Variants in PRELID2 observed in about 807,000 individuals in gnomAD.
PRELID2 encodes the protein PRELI domain containing 2.
In PRELID2, 25 loss-of-function variants were observed where a neutral mutation model predicts 28.4. The ratio of observed to expected loss-of-function variants is 0.88; its 90% CI spans 0.64 to 1.23. PRELID2 has a LOEUF of 1.23. PRELID2 is among the 50% of genes most tolerant of loss of function. The pLI, the probability that PRELID2 is intolerant of heterozygous loss-of-function variation, is 0.00. For missense variants in PRELID2, 201 were observed against 214.4 expected (o/e 0.94, Z 0.39); for synonymous variants, 76 against 71.6 (o/e 1.06, Z -0.31).
the PRELID2 span, among the ~76,000 whole-genome samples, chr5:145,298,673 G>T: frequency 6.6e-6 from 1 of 152,062 alleles, no homozygotes. Context: ...GCCGGTACGT[G>T]TCAAGACAAA....
intron 1 of PRELID2, among the ~76,000 whole-genome samples, chr5:145,619,756 A>G (rs1003756335): frequency 1.3e-5 from 2 of 152,204 alleles, no homozygotes; most frequent in African/African-American, 2.4e-5. Flanking sequence ...CGACAATTCA[A>G]TTTTAAAAAA....
the PRELID2 span, among the ~76,000 whole-genome samples, chr5:145,390,136 A>AC: frequency 1.3e-5 from 2 of 152,158 alleles, no homozygotes; most frequent in Admixed American, 1.3e-4. Context: ...TAGGAAAGAC[A>AC]CCTAATCCTG....
At chr5:145,327,038 A>G in the PRELID2 span, among the ~76,000 whole-genome samples, 1 of 152,124 alleles carries the variant, frequency 6.6e-6, no homozygotes, top group Non-Finnish European at 1.5e-5. Context: ...TTGAAATTCT[A>G]AAGTCTCAAA....
At chr5:145,469,883 G>T (rs1426920387), downstream of PRELID2, among the ~76,000 whole-genome samples, 1 of 152,116 alleles carries the variant, frequency 6.6e-6, no homozygotes, top group South Asian at 2.1e-4. Context: ...CAGTAAATCT[G>T]CAAGACATCA....
At chr5:145,548,378 C>A (rs778346655) in intron 1 of PRELID2, among the ~76,000 whole-genome samples, 4 of 152,088 alleles carry the variant, frequency 2.6e-5, no homozygotes, top group Non-Finnish European at 4.4e-5. Context: ...AAGAGAATTC[C>A]CCAACAGCTT....
At chr5:145,717,058 A>G (rs1446275545) in intron 1 of PRELID2, among the ~76,000 whole-genome samples, 2 of 152,216 alleles carry the variant, frequency 1.3e-5, no homozygotes, top group East Asian at 3.8e-4. Flanking sequence ...GTGAAACTAT[A>G]TAAGAAGATA....
chr5:145,800,685 T>C (rs908821317), intron 4 of PRELID2, among the ~76,000 whole-genome samples: 6 of 152,146 alleles, frequency 3.9e-5, no homozygotes, highest in Non-Finnish European at 8.8e-5. Context: ...CTCTTGGGTT[T>C]TGTCCACATA....
At chr5:145,286,035 G>A in the PRELID2 span, among the ~76,000 whole-genome samples, 1 of 152,134 alleles carries the variant, frequency 6.6e-6, no homozygotes, top group Non-Finnish European at 1.5e-5. Flanking sequence ...TAGCCATTTG[G>A]CTGGAGGTCT....
At chr5:145,594,330 T>C (rs1414447600) in intron 1 of PRELID2, among the ~76,000 whole-genome samples, 1 of 152,210 alleles carries the variant, frequency 6.6e-6, no homozygotes, top group Non-Finnish European at 1.5e-5. Flanking sequence ...AGTATCAGTT[T>C]GTTTGGTGTT....
the PRELID2 span, among the ~76,000 whole-genome samples, chr5:145,279,233 A>C: frequency 1.3e-5 from 2 of 152,152 alleles, no homozygotes; most frequent in African/African-American, 4.8e-5. Flanking sequence ...TCAACCTAAT[A>C]AATTCTTTCC....
At chr5:145,443,005 T>C in the PRELID2 span, among the ~76,000 whole-genome samples, 71 of 152,082 alleles carry the variant, frequency 4.7e-4, no homozygotes, top group African/African-American at 1.7e-3. Context: ...GCGCCCCCCA[T>C]GTGTCCGTTT....
the PRELID2 span, among the ~76,000 whole-genome samples, chr5:145,312,981 T>G: frequency 6.6e-6 from 1 of 152,038 alleles, no homozygotes; most frequent in African/African-American, 2.4e-5. Flanking sequence ...CAGTGCAATC[T>G]CTATCAAAAT....
chr5:145,604,960 A>G, intron 1 of PRELID2, among the ~76,000 whole-genome samples: 1 of 146,158 alleles, frequency 6.8e-6, no homozygotes, highest in Non-Finnish European at 1.5e-5. Flanking sequence ...TTTTGAATAT[A>G]TATATATTCT....
chr5:145,624,893 A>G (rs1333419005), intron 1 of PRELID2, among the ~76,000 whole-genome samples: 1 of 152,200 alleles, frequency 6.6e-6, no homozygotes, highest in African/African-American at 2.4e-5. Context: ...ATGATAAAAA[A>G]TTAAACAATA....
chr5:145,392,336 G>T, the PRELID2 span, among the ~76,000 whole-genome samples: 1 of 152,070 alleles, frequency 6.6e-6, no homozygotes, highest in African/African-American at 2.4e-5. Flanking sequence ...AGTGAAGGAG[G>T]GAAGCCAGTT....
At chr5:145,317,604 T>TG in the PRELID2 span, among the ~76,000 whole-genome samples, 15 of 152,270 alleles carry the variant, frequency 9.9e-5, no homozygotes, top group African/African-American at 1.9e-4. Flanking sequence ...GGCACAAGAC[T>TG]GGGGGGTGGA....
At chr5:145,553,552 C>A (rs1431317395) in intron 1 of PRELID2, among the ~76,000 whole-genome samples, 1 of 152,110 alleles carries the variant, frequency 6.6e-6, no homozygotes, top group Non-Finnish European at 1.5e-5. Context: ...TAAGTAAGTT[C>A]TATTACAATT....
chr5:145,436,841 C>G, the PRELID2 span, among the ~76,000 whole-genome samples: 1 of 152,150 alleles, frequency 6.6e-6, no homozygotes, highest in Non-Finnish European at 1.5e-5. Flanking sequence ...CTACTAACTT[C>G]CTGCTGTTAC....
At chr5:145,306,709 G>T in the PRELID2 span, among the ~76,000 whole-genome samples, 1 of 151,836 alleles carries the variant, frequency 6.6e-6, no homozygotes, top group East Asian at 1.9e-4. Context: ...AATATAACTA[G>T]TGATTTTTCT....
Sources: allele counts gnomAD v4.1 joint callset (sites outside exome capture counted in the v4.1 genomes callset), GRCh38; gene constraint gnomAD v4.1.1; transcripts MANE v1.5; gene names NCBI Gene and HGNC (gene_info 2026-07-23, HGNC 2026-07-21).